The following ZNF469 variants were observed in gnomAD, a reference collection of about 807,000 sequenced individuals.
The protein encoded by ZNF469 is zinc finger protein 469.
A neutral mutation model predicts 1.0 loss-of-function variants in ZNF469; 1 was observed. The observed-to-expected ratio is 1.00, with a 90% CI of 0.35 to 4.73. ZNF469 has a LOEUF of 4.73. Among genes scored for constraint, ZNF469 ranks in the 30% most tolerant of loss-of-function variants. The pLI is 0.16. For missense variants in ZNF469, 6,100 were observed against 5,356.3 expected, an observed-to-expected ratio of 1.14 and a Z score of -4.33; for synonymous variants, 2,703 against 2,363.4, an observed-to-expected ratio of 1.14 and a Z score of -4.17.
chr16:88,383,338 G>C (rs1158944660), intron 1 of ZNF469, among the ~76,000 whole-genome samples, 84 bp downstream of exon 1: 1 of 147,512 alleles, frequency 6.8e-6, no homozygotes, highest in East Asian at 2.0e-4. Context: ...ACCGGGCTGC[G>C]CGGGGGTCTC....
chr16:88,110,460 G>C, the ZNF469 span, among the ~76,000 whole-genome samples: 3 of 152,264 alleles, frequency 2.0e-5, no homozygotes, highest in Admixed American at 6.5e-5. Flanking sequence ...GTGCCTGGTT[G>C]TTCCAATTCA....
At chr16:88,189,910 C>A in the ZNF469 span, among the ~76,000 whole-genome samples, 1 of 152,138 alleles carries the variant, frequency 6.6e-6, no homozygotes, top group Non-Finnish European at 1.5e-5. The surrounding 1 kb of genome is among the most constrained non-coding windows in gnomAD (Gnocchi z 4.3). Context: ...CAGAGTGGGA[C>A]TGTGTCGGAA....
chr16:88,165,764 T>C, the ZNF469 span, among the ~76,000 whole-genome samples: 1 of 152,260 alleles, frequency 6.6e-6, no homozygotes, highest in East Asian at 1.9e-4. Context: ...GTGTCCCCAC[T>C]ACACCCCGAC....
At chr16:88,292,005 G>C in the ZNF469 span, among the ~76,000 whole-genome samples, 1 of 152,242 alleles carries the variant, frequency 6.6e-6, no homozygotes. Context: ...ATATTCTGTG[G>C]TAGGACAGTT....
chr16:88,315,925 G>A, the ZNF469 span, among the ~76,000 whole-genome samples: 11 of 152,266 alleles, frequency 7.2e-5, no homozygotes, highest in African/African-American at 2.2e-4. Context: ...TGCTCCGGAC[G>A]TTCCAGAGGA....
chr16:88,206,074 G>A, the ZNF469 span, among the ~76,000 whole-genome samples: 1 of 152,172 alleles, frequency 6.6e-6, no homozygotes, highest in African/African-American at 2.4e-5. Context: ...GTGAGGGAGG[G>A]GGGAGCTGTG....
chr16:88,254,651 C>T, the ZNF469 span, among the ~76,000 whole-genome samples: 25 of 152,124 alleles, frequency 1.6e-4, no homozygotes, highest in East Asian at 9.7e-4. Context: ...CCAGCTACTC[C>T]GGAGGCTGAG....
chr16:88,111,012 G>A, the ZNF469 span, among the ~76,000 whole-genome samples: 6 of 152,258 alleles, frequency 3.9e-5, no homozygotes, highest in African/African-American at 1.4e-4. Flanking sequence ...GCCCAGACGG[G>A]CACTCGTGGC....
chr16:88,211,833 T>C, the ZNF469 span, among the ~76,000 whole-genome samples: 1 of 152,236 alleles, frequency 6.6e-6, no homozygotes, highest in Non-Finnish European at 1.5e-5. Context: ...TGGTGCCAGC[T>C]GGGCCCTGCC....
At chr16:88,221,538 T>A in the ZNF469 span, among the ~76,000 whole-genome samples, 1 of 152,190 alleles carries the variant, frequency 6.6e-6, no homozygotes, top group Non-Finnish European at 1.5e-5. Context: ...CTCCAGACTG[T>A]GCCGGAGAAG....
chr16:88,117,397 A>T, the ZNF469 span, among the ~76,000 whole-genome samples: 1 of 152,090 alleles, frequency 6.6e-6, no homozygotes, highest in African/African-American at 2.4e-5. Flanking sequence ...ACAAAAAGAA[A>T]AAAATGAAGA....
rs1906200386 is a variant in ZNF469, at chr16:88,431,753, A to G, written c.4283A>G (p.Gln1428Arg). 1 of 1,549,908 alleles carries G rather than the reference A, an allele frequency of 6.5e-7. No individual in the cohort carries two copies. Among genetic ancestry groups the G allele is most frequent in the South Asian group, 1.2e-5 (1 of 84,056 alleles). ...DGEDAGSLEP[Q>R]LPRSPPGTAE... ...GAGGATGCCGGTTCCCTCGAGCCAC[A>G]GCTGCCAAGGAGCCCACCTGGCACC... is the stretch of plus-strand genomic sequence containing the variant. The change falls in exon 3 of 3, where the codon CAG (glutamine) becomes CGG (arginine). Residue 1428 changes from glutamine to arginine, a missense_variant. By Grantham distance (43) the Gln-to-Arg change is conservative. Coordinates refer to ENST00000565624, the MANE Select transcript of ZNF469 (RefSeq NM_001367624.2).
At chr16:88,400,371 G>A (rs1904819668) in intron 1 of ZNF469, among the ~76,000 whole-genome samples, 1 of 152,192 alleles carries the variant, frequency 6.6e-6, no homozygotes, top group Non-Finnish European at 1.5e-5. Context: ...CAGGACAACG[G>A]CTCCATTTTC....
the ZNF469 span, among the ~76,000 whole-genome samples, chr16:88,312,851 G>C: frequency 6.6e-6 from 1 of 152,176 alleles, no homozygotes; most frequent in African/African-American, 2.4e-5. Flanking sequence ...CAGTAGCTTT[G>C]CAAGCCATGC....
the ZNF469 span, among the ~76,000 whole-genome samples, chr16:88,211,273 G>A: frequency 6.6e-6 from 1 of 152,206 alleles, no homozygotes; most frequent in Non-Finnish European, 1.5e-5. Context: ...GCCTCTATCA[G>A]GTTTGGAGAT....
the ZNF469 span, among the ~76,000 whole-genome samples, chr16:88,101,160 G>A: frequency 5.3e-5 from 8 of 152,224 alleles, no homozygotes; most frequent in African/African-American, 1.9e-4. Flanking sequence ...GATGCGATTG[G>A]GCCATCCGGA....
At chr16:88,233,725 G>C in the ZNF469 span, among the ~76,000 whole-genome samples, 16 of 152,278 alleles carry the variant, frequency 1.1e-4, no homozygotes, top group African/African-American at 3.9e-4. Context: ...TGGCCTGGCT[G>C]TGCCGAGGTG....
the ZNF469 span, among the ~76,000 whole-genome samples, chr16:88,206,586 C>T: frequency 1.4e-4 from 21 of 151,966 alleles, no homozygotes; most frequent in Non-Finnish European, 2.6e-4. Context: ...ACAAACAAAA[C>T]CCTACACTTG....
At position 88,428,899 on chromosome 16, in the gene ZNF469, C is replaced by T. The variant is rs1441394213; in HGVS notation, c.1429C>T (p.Pro477Ser). The T allele has an allele frequency of 1.9e-6, 3 of 1,546,904 alleles. No homozygotes were observed. Among genetic ancestry groups the T allele is most frequent in the Non-Finnish European group, 2.6e-6 (3 of 1,145,762 alleles). Residue 477 changes from proline (P) to serine (S), a missense_variant, in exon 3 of 3, where the codon CCC (proline) becomes TCC (serine). By Grantham distance (74) the Pro-to-Ser change is moderately conservative. Coordinates refer to ENST00000565624, the MANE Select transcript of ZNF469 (RefSeq NM_001367624.2). The part of the protein sequence containing the change: ...QPSPGQRLCL[P>S]QSAPLPWPQV... Reference sequence around the variant, plus strand: ...CAGCCCAGGCCAGCGGCTCTGCCTCCCCCAGAGTGCCCCCCTGCCTTGGCC... The same window carrying T: ...CAGCCCAGGCCAGCGGCTCTGCCTCTCCCAGAGTGCCCCCCTGCCTTGGCC...
Sources: allele counts gnomAD v4.1 joint callset (sites outside exome capture counted in the v4.1 genomes callset), GRCh38; gene constraint gnomAD v4.1.1; non-coding constraint Gnocchi (gnomAD v3.1); transcripts MANE v1.5; gene names NCBI Gene and HGNC (gene_info 2026-07-23, HGNC 2026-07-21).